Variants in ANKDD1A observed in about 807,000 individuals in gnomAD.
The protein encoded by ANKDD1A is ankyrin repeat and death domain containing 1A.
In ANKDD1A, 59 loss-of-function variants were observed where a neutral mutation model predicts 63.5. The observed-to-expected ratio is 0.93, with a 90% CI of 0.75 to 1.15. The LOEUF is 1.15. ANKDD1A is among the 50% of genes most tolerant of loss of function. The probability of loss-of-function intolerance (pLI) is 0.00; values close to 1 mark genes in which losing one functional copy is unlikely to be tolerated. For synonymous variants in ANKDD1A, 266 were observed against 263.9 expected (o/e 1.01, Z -0.08); for missense variants, 632 against 656.4 (o/e 0.96, Z 0.41).
At chr15:64,921,591 T>C (rs1186497462) in intron 3 of ANKDD1A, among the ~76,000 whole-genome samples, 1 of 152,102 alleles carries the variant, frequency 6.6e-6, no homozygotes, top group African/African-American at 2.4e-5. Flanking sequence ...GCCAGGCTGG[T>C]CTTGAACTCC....
chr15:64,947,373 A>G (rs768660779), intron 12 of ANKDD1A, 31 bp from the exon 13 acceptor site: 2 of 1,596,548 alleles, frequency 1.3e-6, no homozygotes, highest in East Asian at 4.5e-5. Context: ...CATGAGGGAG[A>G]GCTTCTGCAC....
chr15:64,919,408 A>T (rs28626101), intron 3 of ANKDD1A, among the ~76,000 whole-genome samples: 3,419 of 152,318 alleles, frequency 0.022, 144 homozygotes, highest in African/African-American at 0.078. Context: ...CTTCGGCTCT[A>T]GTTAAGGCCA....
At chr15:64,927,842 T>C (rs1036350082) in intron 6 of ANKDD1A, among the ~76,000 whole-genome samples, 1 of 152,112 alleles carries the variant, frequency 6.6e-6, no homozygotes, top group Admixed American at 6.6e-5. Context: ...CCTGACCTCG[T>C]GATCCACCCG....
At chr15:64,951,433 T>TC in intron 14 of ANKDD1A, 1 of 164,132 alleles carries the variant, frequency 6.1e-6, no homozygotes, top group Non-Finnish European at 9.9e-6. Context: ...TTTTCTTCTT[T>TC]TTCTTTCTTC....
chr15:64,944,100 G>C (rs975179927), intron 11 of ANKDD1A, among the ~76,000 whole-genome samples: 1 of 152,208 alleles, frequency 6.6e-6, no homozygotes, highest in Non-Finnish European at 1.5e-5. Context: ...GTGTGGGGTA[G>C]AGCTGGGGGG....
Position 64,930,834 on chromosome 15 carries a change from G to A in ANKDD1A, c.583G>A (p.Ala195Thr), listed in dbSNP as rs1312390586. 2.5e-6 allele frequency: 4 copies of A among 1,612,702 alleles called. No homozygotes were observed. Among genetic ancestry groups the A allele is most frequent in the African/African-American group, 2.7e-5 (2 of 75,058 alleles). ...CTTTTTCCTGCAGGAGGGGAACACTGCCCTTCATCTGGCTGCTGGTCGGGG... is the reference window on the plus strand; with the variant it reads ...CTTTTTCCTGCAGGAGGGGAACACTACCCTTCATCTGGCTGCTGGTCGGGG... The part of the protein sequence containing the change: ...HNVKDKEGNT[A>T]LHLAAGRGHM... The change falls in exon 7 of 15, where the codon GCC (alanine) becomes ACC (threonine). Residue 195 changes from alanine (A) to threonine (T), a missense_variant. By Grantham distance (58) the Ala-to-Thr change is moderately conservative (BLOSUM62 0). Transcript: ENST00000319580.
At chr15:64,915,762 T>G in intron 1 of ANKDD1A, 35 bp from the exon 2 acceptor site, 1 of 1,572,596 alleles carries the variant, frequency 6.4e-7, no homozygotes, top group Non-Finnish European at 8.7e-7. Flanking sequence ...TGGGGCATCC[T>G]CCCCCTCATC....
chr15:64,953,875 C>CGTT (rs1555397929), intron 14 of ANKDD1A, among the ~76,000 whole-genome samples: 47,027 of 130,252 alleles, frequency 0.36, 9,658 homozygotes, highest in South Asian at 0.46. Context: ...CTTTCTTCTT[C>CGTT]ATTCTTTCTT....
chr15:64,947,736 T>C (rs904020664), intron 13 of ANKDD1A, 143 bp downstream of exon 13: 20 of 988,580 alleles, frequency 2.0e-5, no homozygotes, highest in Non-Finnish European at 2.7e-5. Flanking sequence ...CACCTGGTGC[T>C]CTGTCCCTCC....
rs2085232458 is a variant in ANKDD1A at position 64,947,451 on chromosome 15, C to G, written c.1209C>G (p.Asp403Glu). Residue 403 changes from aspartate (D) to glutamate (E), a missense_variant, in exon 13 of 15, where the codon GAC (aspartate) becomes GAG (glutamate). Asp to Glu is a conservative substitution (Grantham distance 45). Transcript: ENST00000319580. ...GGAAGAGCTTGTCCTTTAAGCAGGA[C>G]CATCGGCAGGAAACACAGCAGCTCC... ...PSGKSLSFKQ[D>E]HRQETQQLRS... is the part of the protein sequence containing the mutation. 1 of 1,613,978 alleles carries G rather than the reference C, an allele frequency of 6.2e-7. No homozygotes were observed. Among genetic ancestry groups the G allele is most frequent in the African/African-American group, 1.3e-5 (1 of 74,912 alleles).
intron 4 of ANKDD1A, among the ~76,000 whole-genome samples, chr15:64,922,643 TTTTC>T (rs763425269): frequency 1.3e-5 from 2 of 152,218 alleles, no homozygotes; most frequent in Non-Finnish European, 2.9e-5. Context: ...TTTAGCATTT[TTTTC>T]TTTCTTTCTT....
intron 2 of ANKDD1A, 120 bp from the exon 3 acceptor site, chr15:64,917,266 A>C: frequency 1.5e-6 from 2 of 1,308,400 alleles, no homozygotes; most frequent in Non-Finnish European, 1.0e-6. Context: ...CTAGCTGGGG[A>C]CCAGAGCCAG....
chr15:64,942,638 T>A, intron 10 of ANKDD1A, 73 bp downstream of exon 10: 1 of 1,256,016 alleles, frequency 8.0e-7, no homozygotes, highest in Non-Finnish European at 1.1e-6. Flanking sequence ...GGCTTGGCTG[T>A]GGTCTCCTAG....
intron 12 of ANKDD1A, among the ~76,000 whole-genome samples, chr15:64,945,819 A>C (rs2085218856): frequency 6.6e-6 from 1 of 150,688 alleles, no homozygotes; most frequent in Non-Finnish European, 1.5e-5. Flanking sequence ...TTTTTAGTAG[A>C]GATGGGGTTT....
chr15:64,955,957 A>G lies in ANKDD1A; in HGVS notation c.1484-1146A>G, dbSNP rs144290076. ...TTACTCTGAAAAAGCAAAAGATTGG[A>G]AACAAACCAAGTGACTGGCTACAGG... is the stretch of plus-strand genomic sequence containing the variant. On this transcript the variant is annotated intron_variant, in intron 14 of 14. Transcript: ENST00000319580. Among the ~76,000 whole-genome samples, 1,001 of 152,332 alleles carry G rather than the reference A, an allele frequency of 6.6e-3. 9 individuals carry two copies. The highest frequency in any genetic ancestry group is 0.022 in the African/African-American group (922 of 41,564).
rs1480886520 is a variant in ANKDD1A, at chr15:64,952,579, TCTTTTC to T, written c.1483+2608_1483+2613del. Among the ~76,000 whole-genome samples the T allele has an allele frequency of 2.0e-3, 67 of 33,192 alleles. 1 individual carries two copies. In the South Asian group the frequency reaches 0.028, roughly 14 times the overall value. 21.8% of individuals were successfully genotyped at this position (33,192 alleles called of 152,430 possible). Reference sequence around the variant, plus strand: ...CCTTCTCCTTCGTTCTTCTTCTCCTTCTTTTCTTCTTCTTCCTTCGTCTTCTTCTTC... The same window carrying T: ...CCTTCTCCTTCGTTCTTCTTCTCCTTTTCTTCTTCCTTCGTCTTCTTCTTC... On this transcript the variant is annotated intron_variant, in intron 14 of 14. Transcript: ENST00000319580.
At chr15:64,954,339 CTCCTCTCCTTCT>C (rs1224268707) in intron 14 of ANKDD1A, among the ~76,000 whole-genome samples, 2 of 84,002 alleles carry the variant, frequency 2.4e-5, no homozygotes, top group African/African-American at 9.1e-5. Context: ...CTTCTTCTTC[CTCCTCTCCTTCT>C]TCTCTTCTTC....
At chr15:64,927,114 T>G (rs878998843) in intron 6 of ANKDD1A, 115 bp downstream of exon 6, 2 of 1,056,012 alleles carry the variant, frequency 1.9e-6, no homozygotes, top group South Asian at 2.7e-5. Context: ...GAGGCCCGTG[T>G]GGCCCAAAGA....
Position 64,947,555 on chromosome 15 carries a change from C to G in ANKDD1A, c.1313C>G (p.Thr438Arg). The stretch of plus-strand genomic sequence containing the variant: ...AAGCTGGCATATTCCTGGGAGTTCA[C>G]GGAGGCACATGTCGACGCCATCGAG... ...WKKLAYSWEF[T>R]EAHVDAIEQQ... The change falls in exon 13 of 15, where the codon ACG becomes AGG. Residue 438 changes from threonine to arginine, a missense_variant. Physicochemically the swap from Thr to Arg is moderately conservative, Grantham distance 71. Coordinates refer to ENST00000319580, the MANE Select transcript of ANKDD1A (RefSeq NM_182703.6). 1 of 1,614,158 alleles carries G rather than the reference C, an allele frequency of 6.2e-7. No individual in the cohort carries two copies. The highest frequency in any genetic ancestry group is 1.1e-5 in the South Asian group (1 of 91,072).
Sources: allele counts gnomAD v4.1 joint callset (sites outside exome capture counted in the v4.1 genomes callset), GRCh38; gene constraint gnomAD v4.1.1; transcripts MANE v1.5; gene names NCBI Gene and HGNC (gene_info 2026-07-23, HGNC 2026-07-21).